The following LRRC7 variants were observed in gnomAD, a reference collection of about 807,000 sequenced individuals.
LRRC7 encodes the protein leucine rich repeat containing 7, also known as leucine-rich repeat-containing protein 7.
LRRC7 carries 23 observed loss-of-function variants against 175.7 expected under a neutral mutation model. The ratio of observed to expected loss-of-function variants is 0.13; its 90% CI spans 0.09 to 0.19. The LOEUF is 0.19. LRRC7 is among the 10% of genes least tolerant of loss of function. LRRC7 has a pLI of 1.00. For synonymous variants in LRRC7, 685 were observed against 680.9 expected (o/e 1.01, Z -0.09); for missense variants, 1,354 against 1,904.7 (o/e 0.71, Z 5.38).
At position 70,129,378 on chromosome 1, in the gene LRRC7, C is replaced by T. The variant is rs1236172548; in HGVS notation, c.*7491C>T. 6.6e-6 allele frequency among the ~76,000 whole-genome samples: 1 copy of T among 152,120 alleles called. No homozygotes were observed. The highest frequency in any genetic ancestry group is 1.5e-5 in the Non-Finnish European group (1 of 68,018). The stretch of plus-strand genomic sequence containing the variant: ...AGACAAGATAAATAGCAACCAGAAT[C>T]TCTTGAATCTCTGGAAGAGGAGCGA... On this transcript the variant is annotated 3_prime_UTR_variant, in exon 27 of 27. Transcript: ENST00000651989.
At chr1:69,885,523 C>T (rs1279227214) in intron 7 of LRRC7, among the ~76,000 whole-genome samples, 3 of 140,200 alleles carry the variant, frequency 2.1e-5, no homozygotes, top group African/African-American at 5.9e-5. Flanking sequence ...CTTTATTAGT[C>T]TTGCTAGCAG....
At chr1:69,766,701 G>A (rs1671658660) in intron 3 of LRRC7, among the ~76,000 whole-genome samples, 1 of 152,120 alleles carries the variant, frequency 6.6e-6, no homozygotes, top group African/African-American at 2.4e-5. Flanking sequence ...CCAGCAAACT[G>A]TGTGAACTAA....
In LRRC7 at chr1:70,095,363, G is replaced by A. The variant is rs74085923; in HGVS notation, c.4545+5544G>A. Reference sequence around the variant, plus strand: ...GCATCTTAGTCATATTGCAGTTTGAGGTTCAGAATGCCACTAGGTTGTTTG... The same window carrying A: ...GCATCTTAGTCATATTGCAGTTTGAAGTTCAGAATGCCACTAGGTTGTTTG... On this transcript the variant is annotated intron_variant, in intron 25 of 26. Coordinates refer to ENST00000651989, the MANE Select transcript of LRRC7 (RefSeq NM_001370785.2). Among the ~76,000 whole-genome samples, 838 of 152,236 alleles carry A rather than the reference G, an allele frequency of 5.5e-3. 3 individuals are homozygous for A. Among genetic ancestry groups the A allele is most frequent in the African/African-American group, 0.019 (800 of 41,558 alleles).
chr1:69,688,233 G>C (rs771029211), intron 2 of LRRC7, among the ~76,000 whole-genome samples: 1 of 152,178 alleles, frequency 6.6e-6, no homozygotes, highest in Non-Finnish European at 1.5e-5. Flanking sequence ...GAAATGTAAG[G>C]AGTAGGGTTC....
At chr1:69,782,343 A>T (rs557106897) in intron 3 of LRRC7, among the ~76,000 whole-genome samples, 2 of 152,318 alleles carry the variant, frequency 1.3e-5, no homozygotes, top group East Asian at 3.9e-4. Context: ...TAATCACAAA[A>T]CTCAGACATC....
intron 7 of LRRC7, among the ~76,000 whole-genome samples, chr1:69,918,311 G>A (rs923899378): frequency 6.6e-6 from 1 of 152,222 alleles, no homozygotes; most frequent in South Asian, 2.1e-4. Context: ...CCCACAGGGC[G>A]CCTGCCACAA....
intron 13 of LRRC7, among the ~76,000 whole-genome samples, chr1:70,013,816 A>G (rs559808385): frequency 6.6e-6 from 1 of 152,174 alleles, no homozygotes; most frequent in East Asian, 1.9e-4. Context: ...ATAAGTTTCA[A>G]CTAGGCAATT....
intron 7 of LRRC7, among the ~76,000 whole-genome samples, chr1:69,897,452 A>C (rs1646011310): frequency 6.6e-6 from 1 of 151,972 alleles, no homozygotes; most frequent in South Asian, 2.1e-4. Flanking sequence ...TATGTTGTAT[A>C]TTTATTTCTA....
At chr1:69,798,509 C>T (rs911993833) in intron 4 of LRRC7, among the ~76,000 whole-genome samples, 1 of 152,070 alleles carries the variant, frequency 6.6e-6, no homozygotes, top group African/African-American at 2.4e-5. Flanking sequence ...TTGATAGCTA[C>T]ATTAAAATAT....
chr1:69,729,962 T>C (rs1394984921), intron 2 of LRRC7, among the ~76,000 whole-genome samples: 1 of 152,188 alleles, frequency 6.6e-6, no homozygotes, highest in Non-Finnish European at 1.5e-5. Flanking sequence ...ATTCTTGACT[T>C]CTAGGCACCT....
chr1:69,634,688 C>T (rs1653044408), intron 1 of LRRC7, among the ~76,000 whole-genome samples: 1 of 152,074 alleles, frequency 6.6e-6, no homozygotes. Context: ...TAGCTTTGAG[C>T]TCTGGTTGTA....
At chr1:69,939,564 C>G (rs1251186403) in intron 8 of LRRC7, among the ~76,000 whole-genome samples, 4 of 152,026 alleles carry the variant, frequency 2.6e-5, no homozygotes, top group Non-Finnish European at 5.9e-5. Context: ...TGTGGCTAAC[C>G]CCAGAATTAC....
At chr1:69,907,061 T>C (rs1354421570) in intron 7 of LRRC7, among the ~76,000 whole-genome samples, 2 of 152,122 alleles carry the variant, frequency 1.3e-5, no homozygotes, top group African/African-American at 4.8e-5. Flanking sequence ...GCTCTCTGTT[T>C]GTCTGTTCTT....
intron 24 of LRRC7, among the ~76,000 whole-genome samples, chr1:70,082,781 A>ATCTGTTTTTTTT (rs1553201466): frequency 1.9e-5 from 1 of 52,312 alleles, no homozygotes; most frequent in Non-Finnish European, 3.7e-5. Context: ...ATACCAGTAC[A>ATCTGTTTTTTTT]TTTTTTTTTT....
intron 1 of LRRC7, among the ~76,000 whole-genome samples, chr1:69,613,487 A>G (rs540796178): frequency 6.6e-6 from 1 of 151,992 alleles, no homozygotes. Flanking sequence ...CACCTCAAAT[A>G]TCATGTATGA....
intron 8 of LRRC7, among the ~76,000 whole-genome samples, chr1:69,974,274 T>C (rs185562440): frequency 2.6e-5 from 4 of 152,338 alleles, no homozygotes; most frequent in African/African-American, 7.2e-5. Flanking sequence ...TTATTTAGGT[T>C]GTGACCAACT....
At chr1:69,886,873 A>G (rs995224931) in intron 7 of LRRC7, among the ~76,000 whole-genome samples, 1 of 151,076 alleles carries the variant, frequency 6.6e-6, no homozygotes, top group Non-Finnish European at 1.5e-5. Flanking sequence ...TCCTTCACTT[A>G]TGAAGCTTAG....
intron 1 of LRRC7, among the ~76,000 whole-genome samples, chr1:69,633,968 A>C (rs1437980925): frequency 6.6e-6 from 1 of 152,134 alleles, no homozygotes; most frequent in East Asian, 1.9e-4. Context: ...TGACCCTTAT[A>C]AATAGCTTAT....
chr1:69,984,772 G>A (rs1252712143), intron 9 of LRRC7, among the ~76,000 whole-genome samples: 1 of 152,144 alleles, frequency 6.6e-6, no homozygotes, highest in Non-Finnish European at 1.5e-5. Flanking sequence ...GCTTTTGAAA[G>A]TTCCCTGAAG....
Sources: allele counts gnomAD v4.1 joint callset (sites outside exome capture counted in the v4.1 genomes callset), GRCh38; gene constraint gnomAD v4.1.1; transcripts MANE v1.5; gene names NCBI Gene and HGNC (gene_info 2026-07-23, HGNC 2026-07-21).